CFTR: variants seen among roughly 807,000 people sequenced by gnomAD.
CFTR encodes the protein cystic fibrosis transmembrane conductance regulator.
CFTR carries 181 observed loss-of-function variants against 171.6 expected under a neutral mutation model. The ratio of observed to expected loss-of-function variants is 1.05; its 90% CI spans 0.93 to 1.19. The LOEUF (loss-of-function observed/expected upper bound fraction) is 1.19, where lower values mean the gene tolerates loss of function less well. CFTR is among the 50% of genes most tolerant of loss of function. CFTR has a pLI of 0.00. For missense variants in CFTR, 1,968 were observed against 1,734.7 expected (o/e 1.13, Z -2.39); for synonymous variants, 583 against 608.0 (o/e 0.96, Z 0.60).
intron 3 of CFTR, among the ~76,000 whole-genome samples, chr7:117,522,433 T>C (rs892011664): frequency 2.6e-5 from 4 of 152,322 alleles, no homozygotes; most frequent in Middle Eastern, 3.4e-3. Flanking sequence ...ATGTGCTGGA[T>C]AAGAATTTGG....
At chr7:117,497,962 T>A (rs1449748386) in intron 1 of CFTR, among the ~76,000 whole-genome samples, 1 of 152,150 alleles carries the variant, frequency 6.6e-6, no homozygotes, top group African/African-American at 2.4e-5. Context: ...TTTTTTGATA[T>A]TTTCTTAACA....
At position 117,602,827 on chromosome 7, in the gene CFTR, T is replaced by C. The variant is rs917853890; in HGVS notation, c.2621T>C (p.Val874Ala). 6.2e-7 allele frequency: 1 copy of C among 1,613,868 alleles called. No individual in the cohort carries two copies. Among genetic ancestry groups the C allele is most frequent in the Non-Finnish European group, 8.5e-7 (1 of 1,179,766 alleles). Residue 874 changes from valine to alanine, a missense_variant and splice_region_variant, in exon 16 of 27, where the codon GTG becomes GCG. By Grantham distance (64) the Val-to-Ala change is moderately conservative. Transcript: ENST00000003084. ...CAACTGTGTCTTGTTCCATTCCAGGTGGCTGCTTCTTTGGTTGTGCTGTGG... is the reference window on the plus strand; with the variant it reads ...CAACTGTGTCTTGTTCCATTCCAGGCGGCTGCTTCTTTGGTTGTGCTGTGG... The part of the protein sequence containing the change: ...IWCLVIFLAE[V>A]AASLVVLWLL...
Position 117,504,328 on chromosome 7 carries a change from TG to T in CFTR, c.130del (p.Asp44IlefsTer47). On this transcript the variant is annotated frameshift_variant, in exon 2 of 27. Transcript: ENST00000003084. LOFTEE classifies it high-confidence loss of function. ...LSDIYQIPSV[D>X]SADNLSEKLE... ...CAGACATATACCAAATCCCTTCTGT[TG>T]ATTCTGCTGACAATCTATCTGAAAA... The T allele has an allele frequency of 6.2e-7, 1 of 1,607,036 alleles. No individual in the cohort carries two copies. The highest frequency in any genetic ancestry group is 8.5e-7 in the Non-Finnish European group (1 of 1,173,612).
chr7:117,555,453 C>T (rs187850264), intron 10 of CFTR, among the ~76,000 whole-genome samples: 2 of 152,284 alleles, frequency 1.3e-5, no homozygotes, highest in African/African-American at 2.4e-5. Flanking sequence ...TAAAACACCA[C>T]GTGATGCTAA....
chr7:117,558,170 T>C (rs780578743), intron 10 of CFTR, among the ~76,000 whole-genome samples: 4 of 152,118 alleles, frequency 2.6e-5, no homozygotes. Flanking sequence ...GTCTGTAGGC[T>C]ATATGTATCT....
chr7:117,580,244 A>G (rs781128923), intron 11 of CFTR, among the ~76,000 whole-genome samples: 8 of 152,142 alleles, frequency 5.3e-5, no homozygotes, highest in Non-Finnish European at 8.8e-5. Flanking sequence ...TGTATAACAC[A>G]GACTTCAATA....
At chr7:117,499,959 A>G (rs1443431974) in intron 1 of CFTR, among the ~76,000 whole-genome samples, 1 of 152,164 alleles carries the variant, frequency 6.6e-6, no homozygotes, top group Non-Finnish European at 1.5e-5. Flanking sequence ...GTGAGAGGGG[A>G]AGACAGCAGG....
intron 11 of CFTR, among the ~76,000 whole-genome samples, chr7:117,579,201 T>C (rs556347819): frequency 1.5e-4 from 23 of 152,150 alleles, no homozygotes; most frequent in African/African-American, 5.5e-4. Context: ...AATAAACCGT[T>C]ATTGAAGTAT....
chr7:117,614,806 A>G, intron 21 of CFTR, 93 bp downstream of exon 21: 2 of 792,252 alleles, frequency 2.5e-6, no homozygotes, highest in Non-Finnish European at 4.5e-6. Context: ...TATACCGTAT[A>G]TTGAGCTTAA....
intron 3 of CFTR, among the ~76,000 whole-genome samples, chr7:117,525,887 A>G (rs1798768789): frequency 6.7e-6 from 1 of 150,314 alleles, no homozygotes; most frequent in East Asian, 2.0e-4. Flanking sequence ...TTTATATTTA[A>G]AGTTAATATT....
chr7:117,506,012 T>C (rs1290483664), intron 2 of CFTR, among the ~76,000 whole-genome samples: 1 of 152,128 alleles, frequency 6.6e-6, no homozygotes, highest in East Asian at 1.9e-4. Context: ...TTTTATTGGG[T>C]TCGATCTCTT....
At chr7:117,492,616 G>T (rs1798176876) in intron 1 of CFTR, among the ~76,000 whole-genome samples, 1 of 151,972 alleles carries the variant, frequency 6.6e-6, no homozygotes, top group Non-Finnish European at 1.5e-5. Context: ...TCAGTTATGT[G>T]CCATGTTCCA....
intron 22 of CFTR, among the ~76,000 whole-genome samples, chr7:117,640,717 A>G (rs543854455): frequency 9.2e-5 from 14 of 152,322 alleles, no homozygotes; most frequent in African/African-American, 3.4e-4. Context: ...GAGCTGATTC[A>G]TAAATGAAAA....
chr7:117,607,040 T>C (rs959983883), intron 18 of CFTR, among the ~76,000 whole-genome samples: 8 of 152,082 alleles, frequency 5.3e-5, no homozygotes, highest in Non-Finnish European at 7.4e-5. Flanking sequence ...TTTCCCAAAA[T>C]CACTGGCCAC....
rs140883683 is a variant in CFTR, at chr7:117,611,599, C to G, written c.3158C>G (p.Thr1053Ser). The G allele has an allele frequency of 4.3e-6, 7 of 1,610,028 alleles. No homozygotes were observed. The South Asian group carries it at 7.7e-5, about 18-fold the overall frequency. ...LESEGRSPIF[T>S]HLVTSLKGLW... ...TTCACAGGCAGGAGTCCAATTTTCA[C>G]TCATCTTGTTACAAGCTTAAAAGGA... The change falls in exon 20 of 27, where the codon ACT (threonine) becomes AGT (serine). Residue 1053 changes from threonine (T) to serine (S), a missense_variant. Coordinates refer to ENST00000003084, the MANE Select transcript of CFTR (RefSeq NM_000492.4).
At chr7:117,538,086 C>T (rs778736664) in intron 7 of CFTR, among the ~76,000 whole-genome samples, 5 of 152,088 alleles carry the variant, frequency 3.3e-5, no homozygotes, top group Admixed American at 6.5e-5. Context: ...TGATATATAG[C>T]GAATGTTTGG....
rs1793398761 is a variant in CFTR, at chr7:117,667,169, C to A, written c.*61C>A. 1 of 1,443,962 alleles carries A rather than the reference C, an allele frequency of 6.9e-7. No homozygotes were observed. Among genetic ancestry groups the A allele is most frequent in the Non-Finnish European group, 9.7e-7 (1 of 1,032,788 alleles). The allele number at this position is 1,443,962 out of a possible 1,614,324, so 89.4% of individuals were successfully genotyped here. Reference sequence around the variant, plus strand: ...ATGGAATTGGAGCTCGTGGGACAGTCACCTCATGGAATTGGAGCTCGTGGA... The same window carrying A: ...ATGGAATTGGAGCTCGTGGGACAGTAACCTCATGGAATTGGAGCTCGTGGA... On this transcript the variant is annotated 3_prime_UTR_variant, in exon 27 of 27. Coordinates refer to ENST00000003084, the MANE Select transcript of CFTR (RefSeq NM_000492.4).
At chr7:117,509,002 A>G (rs1798467084) in intron 2 of CFTR, 32 bp from the exon 3 acceptor site, 1 of 1,310,460 alleles carries the variant, frequency 7.6e-7, no homozygotes, top group Non-Finnish European at 1.1e-6. Context: ...TGCACATGCA[A>G]CTTATTGGTC....
At chr7:117,584,303 T>C (rs1791895822) in intron 11 of CFTR, among the ~76,000 whole-genome samples, 1 of 152,132 alleles carries the variant, frequency 6.6e-6, no homozygotes, top group African/African-American at 2.4e-5. Context: ...TTATGTTTTC[T>C]GGTCTTAGAT....
Sources: allele counts gnomAD v4.1 joint callset (sites outside exome capture counted in the v4.1 genomes callset), GRCh38; gene constraint gnomAD v4.1.1; transcripts MANE v1.5; gene names NCBI Gene and HGNC (gene_info 2026-07-23, HGNC 2026-07-21).